CDH12: variants seen among roughly 807,000 people sequenced by gnomAD.
The protein encoded by CDH12 is cadherin 12.
In CDH12, 41 loss-of-function variants were observed where a neutral mutation model predicts 74.1. The ratio of observed to expected loss-of-function variants is 0.55; its 90% confidence interval spans 0.43 to 0.72. CDH12 has a LOEUF of 0.72. Among genes scored for constraint, CDH12 ranks in the 30% least tolerant of loss-of-function variants. The pLI, the probability that CDH12 is intolerant of heterozygous loss-of-function variation, is 0.00. For synonymous variants in CDH12, 399 were observed against 355.0 expected, an observed-to-expected ratio of 1.12 and a Z score of -1.39; for missense variants, 945 against 977.2, an observed-to-expected ratio of 0.97 and a Z score of 0.44.
chr5:22,726,184 G>A (rs1232342946), intron 1 of CDH12, among the ~76,000 whole-genome samples: 1 of 151,688 alleles, frequency 6.6e-6, no homozygotes, highest in African/African-American at 2.4e-5. Flanking sequence ...GAAATGCTCT[G>A]TTCTCCATGT....
chr5:22,756,098 G>GAAAAAAAAAAAA (rs60067455), intron 1 of CDH12, among the ~76,000 whole-genome samples: 112 of 87,258 alleles, frequency 1.3e-3, no homozygotes, highest in Non-Finnish European at 1.8e-3. Flanking sequence ...TTCAAGGACC[G>GAAAAAAAAAAAA]AAAAAAAAAA....
chr5:22,680,864 T>G (rs186639570), intron 1 of CDH12, among the ~76,000 whole-genome samples: 144 of 152,036 alleles, frequency 9.5e-4, no homozygotes, highest in African/African-American at 3.4e-3. Flanking sequence ...GATTGCATCA[T>G]TATACATTCA....
At chr5:22,543,061 G>C (rs1738173598) in intron 1 of CDH12, among the ~76,000 whole-genome samples, 1 of 152,074 alleles carries the variant, frequency 6.6e-6, no homozygotes, top group Non-Finnish European at 1.5e-5. Context: ...AGAGTCATGA[G>C]AATTATGTTC....
In CDH12 at chr5:21,982,583, TAG is replaced by T. The variant is rs200610373; in HGVS notation, c.232-7200_232-7199del. 4.2e-3 allele frequency among the ~76,000 whole-genome samples: 642 copies of T among 151,850 alleles called. 1 individual carries two copies. The highest frequency in any genetic ancestry group is 0.015 in the African/African-American group (615 of 41,460). ...CTCTATATATGGATACATCTATATA[TAG>T]AGAGATCTCTCTAAATATCTCTATA... On this transcript the variant is annotated intron_variant, in intron 5 of 14. Transcript: ENST00000382254.
At chr5:22,275,927 A>AT (rs2150403331) in intron 3 of CDH12, among the ~76,000 whole-genome samples, 1 of 152,290 alleles carries the variant, frequency 6.6e-6, no homozygotes, top group South Asian at 2.1e-4. Context: ...CATAGCAAAT[A>AT]TTTTAAAGTT....
intron 1 of CDH12, among the ~76,000 whole-genome samples, chr5:22,636,606 T>C (rs1008164381): frequency 2.0e-5 from 3 of 152,198 alleles, no homozygotes; most frequent in Non-Finnish European, 4.4e-5. Context: ...TATATAAAAA[T>C]GTCTAGAATA....
At chr5:22,338,664 A>G (rs1232223227) in intron 3 of CDH12, among the ~76,000 whole-genome samples, 4 of 152,204 alleles carry the variant, frequency 2.6e-5, no homozygotes, top group African/African-American at 9.7e-5. Flanking sequence ...CTGTACCAGA[A>G]TATCTCATGT....
At chr5:22,370,958 A>AG (rs1303305746) in intron 3 of CDH12, among the ~76,000 whole-genome samples, 5 of 152,150 alleles carry the variant, frequency 3.3e-5, no homozygotes, top group African/African-American at 1.2e-4. Context: ...GGAGCAAAAA[A>AG]CAAACAAATC....
chr5:22,192,726 A>G (rs1750380271), intron 4 of CDH12, among the ~76,000 whole-genome samples: 1 of 152,194 alleles, frequency 6.6e-6, no homozygotes, highest in South Asian at 2.1e-4. Context: ...TTATCCCAGA[A>G]TAGACTGGGG....
Position 21,835,765 on chromosome 5 carries a change from A to G in CDH12, c.814+6396T>C, listed in dbSNP as rs780340005. Among the ~76,000 whole-genome samples the G allele has an allele frequency of 2.6e-5, 4 of 151,854 alleles. No homozygotes were observed. The East Asian group carries it at 7.7e-4, about 29-fold the overall frequency. On this transcript the variant is annotated intron_variant, in intron 8 of 14. Transcript: ENST00000382254. The stretch of plus-strand genomic sequence containing the variant: ...AAAAAGACCTATGGTAGATTTCAAG[A>G]TCATAAAACAACCAATCTAAGCCTG...
chr5:21,882,485 A>G, intron 6 of CDH12: 1 of 693,392 alleles, frequency 1.4e-6, no homozygotes, highest in South Asian at 1.7e-5. Flanking sequence ...TACAACTGCC[A>G]CATTTATTTG....
intron 3 of CDH12, among the ~76,000 whole-genome samples, chr5:22,299,258 T>TGGAG (rs1737762151): frequency 1.3e-5 from 2 of 152,010 alleles, no homozygotes; most frequent in South Asian, 4.2e-4. Flanking sequence ...GGGGTGGGGT[T>TGGAG]GGAGAGAGAG....
At position 22,637,208 on chromosome 5, in the gene CDH12, A is replaced by G. The variant is rs532779999; in HGVS notation, c.-522-131844T>C. ...AAAATATATTCTTTAGCTTTTCAGC[A>G]ATATTAAAATCGCACAATGTAAGGC... On this transcript the variant is annotated intron_variant, in intron 1 of 14. Coordinates refer to ENST00000382254, the MANE Select transcript of CDH12 (RefSeq NM_004061.5). Among the ~76,000 whole-genome samples the G allele has an allele frequency of 2.0e-5, 3 of 152,348 alleles. No individual in the cohort carries two copies. In the East Asian group the frequency reaches 5.8e-4, roughly 29 times the overall value.
At chr5:22,302,639 T>TA (rs1245195214) in intron 3 of CDH12, among the ~76,000 whole-genome samples, 2 of 152,064 alleles carry the variant, frequency 1.3e-5, no homozygotes, top group African/African-American at 2.4e-5. Flanking sequence ...TATAAAATTC[T>TA]AAAAAATGAG....
intron 6 of CDH12, among the ~76,000 whole-genome samples, chr5:21,959,619 C>T (rs1020664524): frequency 1.3e-4 from 19 of 151,666 alleles, no homozygotes; most frequent in Non-Finnish European, 2.7e-4. Context: ...TCAAAAAAGA[C>T]AAAGAAGGGG....
chr5:22,839,303 T>C (rs2126518375), intron 1 of CDH12, among the ~76,000 whole-genome samples: 1 of 152,144 alleles, frequency 6.6e-6, no homozygotes, highest in Non-Finnish European at 1.5e-5. Context: ...TCTCTGTGCA[T>C]GTGTATGCAT....
intron 4 of CDH12, among the ~76,000 whole-genome samples, chr5:22,184,610 G>A (rs1749827570): frequency 1.3e-5 from 2 of 152,192 alleles, no homozygotes; most frequent in African/African-American, 4.8e-5. Flanking sequence ...CAAATGCTGA[G>A]AAAGAAAGAA....
At chr5:22,062,307 T>C (rs532735057) in intron 5 of CDH12, among the ~76,000 whole-genome samples, 1 of 152,240 alleles carries the variant, frequency 6.6e-6, no homozygotes, top group South Asian at 2.1e-4. Flanking sequence ...GGACATGGAC[T>C]ATTTGCCAGG....
At position 22,112,235 on chromosome 5, in the gene CDH12, T is replaced by A. The variant is rs183792067; in HGVS notation, c.-186-33373A>T. Among the ~76,000 whole-genome samples the A allele has an allele frequency of 2.6e-4, 40 of 152,298 alleles. No individual in the cohort carries two copies. The East Asian group carries it at 7.3e-3, about 28-fold the overall frequency. The stretch of plus-strand genomic sequence containing the variant: ...AGCACTCTGATGTGAGAACTCTTGA[T>A]AAGCCTGGGATGCTTTTTCCCTAGG... On this transcript the variant is annotated intron_variant, in intron 4 of 14. Coordinates refer to ENST00000382254, the MANE Select transcript of CDH12 (RefSeq NM_004061.5).
Sources: allele counts gnomAD v4.1 joint callset (sites outside exome capture counted in the v4.1 genomes callset), GRCh38; gene constraint gnomAD v4.1.1; transcripts MANE v1.5; gene names NCBI Gene and HGNC (gene_info 2026-07-23, HGNC 2026-07-21).